The following MACROD2 variants were observed in gnomAD, a reference collection of about 807,000 sequenced individuals.
MACROD2 encodes mono-ADP ribosylhydrolase 2.
Under a neutral mutation model 70.4 loss-of-function variants are expected in MACROD2, and 36 were observed. The ratio of observed to expected loss-of-function variants is 0.51; its 90% confidence interval spans 0.39 to 0.68. The LOEUF (loss-of-function observed/expected upper bound fraction) is 0.68, where lower values mean the gene tolerates loss of function less well. Among genes scored for constraint, MACROD2 ranks in the 30% least tolerant of loss-of-function variants. The probability of loss-of-function intolerance (pLI) is 0.00; values close to 1 mark genes in which losing one functional copy is unlikely to be tolerated. For synonymous variants in MACROD2, 172 were observed against 178.8 expected, an observed-to-expected ratio of 0.96 and a Z score of 0.30; for missense variants, 496 against 538.4, an observed-to-expected ratio of 0.92 and a Z score of 0.78.
At chr20:15,478,803 T>G (rs2047056418) in intron 7 of MACROD2, among the ~76,000 whole-genome samples, 1 of 152,136 alleles carries the variant, frequency 6.6e-6, no homozygotes, top group Admixed American at 6.5e-5. Context: ...TGCTATTCCT[T>G]GGAAAGATTC....
intron 8 of MACROD2, among the ~76,000 whole-genome samples, chr20:15,500,411 T>C (rs1336717946): frequency 1.3e-5 from 2 of 152,204 alleles, no homozygotes; most frequent in Non-Finnish European, 2.9e-5. Context: ...CTTAATAAGA[T>C]CTTTGTGATA....
intron 3 of MACROD2, among the ~76,000 whole-genome samples, chr20:14,457,644 A>G (rs365824): frequency 0.3 from 45,321 of 152,038 alleles, 7,879 homozygotes; most frequent in South Asian, 0.59. Context: ...TATGTGTCCA[A>G]TGAGAAGATC....
At chr20:15,954,927 C>A (rs2065955661) in intron 12 of MACROD2, among the ~76,000 whole-genome samples, 1 of 152,178 alleles carries the variant, frequency 6.6e-6, no homozygotes, top group Non-Finnish European at 1.5e-5. Context: ...GAAAGTGAAG[C>A]TCACAGAGCA....
intron 4 of MACROD2, among the ~76,000 whole-genome samples, chr20:14,544,460 A>T (rs2085468583): frequency 6.6e-6 from 1 of 152,082 alleles, no homozygotes; most frequent in African/African-American, 2.4e-5. Context: ...CATGGGTAAT[A>T]TAGCTATATG....
At chr20:15,033,430 A>T (rs750538521) in intron 5 of MACROD2, among the ~76,000 whole-genome samples, 4 of 152,208 alleles carry the variant, frequency 2.6e-5, no homozygotes, top group Non-Finnish European at 5.9e-5. Context: ...AGGAAGGAAG[A>T]CTTGATAAAA....
chr20:15,206,213 A>T (rs2076700757), intron 5 of MACROD2, among the ~76,000 whole-genome samples: 1 of 152,048 alleles, frequency 6.6e-6, no homozygotes, highest in African/African-American at 2.4e-5. Context: ...TTCCAAATAT[A>T]AAAAAAATCA....
intron 6 of MACROD2, among the ~76,000 whole-genome samples, chr20:15,317,482 A>AATCTATCTATCT (rs57469228): frequency 1.6e-3 from 228 of 145,868 alleles, no homozygotes; most frequent in East Asian, 1.8e-3. Flanking sequence ...CCATCCATCT[A>AATCTATCTATCT]ATCTATCTAT....
intron 5 of MACROD2, among the ~76,000 whole-genome samples, chr20:14,936,507 A>G (rs2074341492): frequency 1.3e-5 from 2 of 152,166 alleles, no homozygotes; most frequent in Admixed American, 6.5e-5. Flanking sequence ...GGATTAGAAT[A>G]AAATAAATAC....
At chr20:16,031,908 AAG>A (rs1309182289) in intron 15 of MACROD2, among the ~76,000 whole-genome samples, 2 of 152,112 alleles carry the variant, frequency 1.3e-5, no homozygotes, top group Admixed American at 6.6e-5. Context: ...GAAAAGAGCA[AAG>A]AGAGAGAATG....
chr20:14,264,498 A>C (rs2082126923), intron 3 of MACROD2, among the ~76,000 whole-genome samples: 1 of 152,192 alleles, frequency 6.6e-6, no homozygotes, highest in Non-Finnish European at 1.5e-5. Flanking sequence ...TAGGGTAAAA[A>C]GGAAGACCAA....
At chr20:15,746,701 G>T (rs1460116144) in intron 8 of MACROD2, among the ~76,000 whole-genome samples, 1 of 151,988 alleles carries the variant, frequency 6.6e-6, no homozygotes, top group African/African-American at 2.4e-5. Flanking sequence ...GTCTGCTGAG[G>T]GTTTCTGACA....
intron 3 of MACROD2, among the ~76,000 whole-genome samples, chr20:14,307,585 C>T (rs956753982): frequency 2.0e-5 from 3 of 152,000 alleles, no homozygotes; most frequent in African/African-American, 7.2e-5. Flanking sequence ...TTCAGAGGAT[C>T]ATAAAACAGT....
At chr20:14,766,671 A>G (rs904357576) in intron 5 of MACROD2, among the ~76,000 whole-genome samples, 2 of 152,150 alleles carry the variant, frequency 1.3e-5, no homozygotes, top group African/African-American at 4.8e-5. Flanking sequence ...ATTGAAGACA[A>G]CATATTCAAA....
chr20:15,550,871 C>G (rs1011831472), intron 8 of MACROD2, among the ~76,000 whole-genome samples: 13 of 152,146 alleles, frequency 8.5e-5, no homozygotes, highest in African/African-American at 3.1e-4. Flanking sequence ...AGCTCCATAG[C>G]TATTAAATAT....
At chr20:15,389,510 T>C (rs554630693) in intron 6 of MACROD2, among the ~76,000 whole-genome samples, 15 of 152,316 alleles carry the variant, frequency 9.8e-5, no homozygotes, top group Middle Eastern at 3.4e-3. Context: ...AAAAGTAATA[T>C]GGTTTATATT....
chr20:15,905,600 T>G (rs1021550814), intron 10 of MACROD2, among the ~76,000 whole-genome samples: 4 of 152,240 alleles, frequency 2.6e-5, no homozygotes, highest in Non-Finnish European at 5.9e-5. Flanking sequence ...ATTTGAGGAC[T>G]TATAATATTA....
intron 5 of MACROD2, among the ~76,000 whole-genome samples, chr20:14,901,837 A>G (rs1311200388): frequency 6.6e-6 from 1 of 152,104 alleles, no homozygotes; most frequent in South Asian, 2.1e-4. Flanking sequence ...CTTTAGGGCT[A>G]TAGGATTGTA....
At chr20:15,123,295 C>T (rs144677896) in intron 5 of MACROD2, among the ~76,000 whole-genome samples, 195 of 152,132 alleles carry the variant, frequency 1.3e-3, no homozygotes, top group African/African-American at 4.5e-3. Context: ...GCAAAGAGAC[C>T]AGAAGGAAGA....
chr20:14,785,128 A>G (rs1053223673), intron 5 of MACROD2, among the ~76,000 whole-genome samples: 2 of 151,860 alleles, frequency 1.3e-5, no homozygotes, highest in Admixed American at 6.6e-5. Context: ...CCTCTCAGTC[A>G]GAAAACTGTC....
Sources: gnomAD v4.1 joint callset for allele counts (sites outside exome capture counted in the v4.1 genomes callset) on GRCh38, gnomAD v4.1.1 for gene constraint, MANE v1.5 for transcripts, NCBI Gene and HGNC (gene_info 2026-07-23, HGNC 2026-07-21) for gene names.